Variants in XXYLT1 observed in about 807,000 individuals in gnomAD.
XXYLT1 encodes the protein xyloside xylosyltransferase 1.
Under a neutral mutation model 28.9 loss-of-function variants are expected in XXYLT1, and 20 were observed. The observed-to-expected ratio is 0.69, with a 90% CI of 0.49 to 1.00. The LOEUF (loss-of-function observed/expected upper bound fraction) is 1.00. Ranked by LOEUF, XXYLT1 falls within the 50% of genes least tolerant of loss-of-function variation. XXYLT1 has a pLI of 0.00. For missense variants in XXYLT1, 542 were observed against 560.1 expected, an observed-to-expected ratio of 0.97 and a Z score of 0.33; for synonymous variants, 257 against 253.8, an observed-to-expected ratio of 1.01 and a Z score of -0.12.
At chr3:195,071,527 G>T (rs1299056519) in intron 3 of XXYLT1, among the ~76,000 whole-genome samples, 1 of 152,206 alleles carries the variant, frequency 6.6e-6, no homozygotes, top group South Asian at 2.1e-4. Flanking sequence ...CATTCTTACA[G>T]GGGAATCCAC....
At chr3:195,112,991 A>G (rs1717861032) in intron 3 of XXYLT1, among the ~76,000 whole-genome samples, 1 of 152,270 alleles carries the variant, frequency 6.6e-6, no homozygotes, top group South Asian at 2.1e-4. Context: ...AACTGCAGCC[A>G]TGCCCCTCAC....
chr3:195,268,034 C>A (rs1311794322), intron 1 of XXYLT1, among the ~76,000 whole-genome samples: 1 of 152,176 alleles, frequency 6.6e-6, no homozygotes, highest in East Asian at 1.9e-4. Context: ...TGCCTGTAAT[C>A]CCAGCTATGC....
intron 1 of XXYLT1, among the ~76,000 whole-genome samples, chr3:195,248,966 T>A (rs1365053302): frequency 6.6e-6 from 1 of 152,164 alleles, no homozygotes; most frequent in East Asian, 1.9e-4. Context: ...GTCTCGGGTA[T>A]GTCTTTATCA....
intron 3 of XXYLT1, among the ~76,000 whole-genome samples, chr3:195,116,305 A>G (rs1005194349): frequency 2.0e-5 from 3 of 152,220 alleles, no homozygotes; most frequent in Non-Finnish European, 4.4e-5. Context: ...AATTCTAACC[A>G]GAATGCTTTA....
chr3:195,245,827 C>T (rs71317953), intron 1 of XXYLT1, among the ~76,000 whole-genome samples: 2 of 152,192 alleles, frequency 1.3e-5, no homozygotes, highest in African/African-American at 4.8e-5. Context: ...CGCCTCCACT[C>T]TCTCCTGCCC....
chr3:195,241,161 C>T (rs986161427), intron 1 of XXYLT1, among the ~76,000 whole-genome samples: 1 of 152,180 alleles, frequency 6.6e-6, no homozygotes, highest in South Asian at 2.1e-4. Flanking sequence ...TTGGCACATT[C>T]CCAAGGAGGA....
At chr3:195,260,222 C>T (rs1268690589) in intron 1 of XXYLT1, 1 of 150,470 alleles carries the variant, frequency 6.6e-6, no homozygotes, top group Non-Finnish European at 1.5e-5. Context: ...CAGGCGGCCG[C>T]GCGGGGCACT....
At chr3:195,267,610 C>T (rs571659422) in intron 1 of XXYLT1, among the ~76,000 whole-genome samples, 7 of 152,278 alleles carry the variant, frequency 4.6e-5, no homozygotes, top group African/African-American at 9.6e-5. Context: ...ATTTAAGACA[C>T]GTCAATGTCA....
intron 3 of XXYLT1, among the ~76,000 whole-genome samples, chr3:195,118,383 C>G (rs1392092002): frequency 6.6e-6 from 1 of 152,222 alleles, no homozygotes; most frequent in African/African-American, 2.4e-5. Context: ...CCCGTGGCCA[C>G]CACTAGCGTG....
chr3:195,232,586 TATC>T (rs1339228204), intron 1 of XXYLT1, among the ~76,000 whole-genome samples: 2 of 152,202 alleles, frequency 1.3e-5, no homozygotes, highest in Non-Finnish European at 2.9e-5. Flanking sequence ...GTGTTTCTAT[TATC>T]ATTTGTTTCA....
intron 1 of XXYLT1, among the ~76,000 whole-genome samples, chr3:195,230,933 G>T (rs1404422021): frequency 6.6e-6 from 1 of 152,104 alleles, no homozygotes; most frequent in Non-Finnish European, 1.5e-5. Flanking sequence ...TTGGTATTTT[G>T]ATTGGGATTG....
intron 2 of XXYLT1, among the ~76,000 whole-genome samples, chr3:195,160,837 G>T (rs921604274): frequency 6.6e-6 from 1 of 152,232 alleles, no homozygotes; most frequent in East Asian, 1.9e-4. Flanking sequence ...TCCCCAAGGG[G>T]ATGTGCGGTT....
intron 3 of XXYLT1, among the ~76,000 whole-genome samples, chr3:195,080,111 G>A (rs1415533157): frequency 6.6e-6 from 1 of 152,210 alleles, no homozygotes; most frequent in Non-Finnish European, 1.5e-5. Context: ...AGGGGCGGGA[G>A]GAGAACGTGC....
chr3:195,177,327 G>A (rs1315906927), intron 2 of XXYLT1, among the ~76,000 whole-genome samples: 1 of 152,162 alleles, frequency 6.6e-6, no homozygotes, highest in Non-Finnish European at 1.5e-5. Context: ...ATCTGAAGGA[G>A]GACCTCAATT....
At chr3:195,208,654 A>G (rs1723176738) in intron 2 of XXYLT1, among the ~76,000 whole-genome samples, 1 of 152,244 alleles carries the variant, frequency 6.6e-6, no homozygotes, top group Non-Finnish European at 1.5e-5. Flanking sequence ...AAAGAAGTGT[A>G]GACAGAAACA....
intron 2 of XXYLT1, among the ~76,000 whole-genome samples, chr3:195,213,160 C>A (rs1017996497): frequency 2.6e-5 from 4 of 152,190 alleles, no homozygotes; most frequent in Admixed American, 2.6e-4. Flanking sequence ...TATGAGGTAG[C>A]TTTGGCTGGA....
In XXYLT1 at chr3:195,115,253, G is replaced by A; in HGVS notation, c.785+41196C>T. ...ACGGTCCCAGTCACCTTGAACCCAG[G>A]TCGTGCTGCCGCTTCCTGAGTACCA... On this transcript the variant is annotated intron_variant, in intron 3 of 3. Coordinates refer to ENST00000310380, the MANE Select transcript of XXYLT1 (RefSeq NM_152531.5). The surrounding 1 kb of genome is among the most constrained non-coding windows in gnomAD (Gnocchi z 4.2). 6.6e-6 allele frequency among the ~76,000 whole-genome samples: 1 copy of A among 152,214 alleles called. No homozygotes were observed. The highest frequency in any genetic ancestry group is 1.5e-5 in the Non-Finnish European group (1 of 68,034).
chr3:195,198,819 C>G (rs1016933662), intron 2 of XXYLT1, among the ~76,000 whole-genome samples: 3 of 152,172 alleles, frequency 2.0e-5, no homozygotes, highest in Admixed American at 6.5e-5. Flanking sequence ...CAATGAAAGT[C>G]ACTCTTTCAT....
chr3:195,180,527 GCAAA>G lies in XXYLT1; in HGVS notation c.653-23950_653-23947del. The stretch of plus-strand genomic sequence containing the variant: ...CTGGCTCTGTAGCCCTTGAAAAGAA[GCAAA>G]CAAACAGATAAGGGTCAGCATCTGA... On this transcript the variant is annotated intron_variant, in intron 2 of 3. Coordinates refer to ENST00000310380, the MANE Select transcript of XXYLT1 (RefSeq NM_152531.5). This position sits in a 1 kb window ranked among gnomAD's most constrained non-coding sequence, Gnocchi z 5.8. The G allele has an allele frequency of 3.0e-6, 3 of 985,484 alleles. No individual in the cohort carries two copies. The highest frequency in any genetic ancestry group is 4.7e-5 in the South Asian group (1 of 21,290). The allele number at this position is 985,484 out of a possible 1,614,324, so 61.0% of individuals were successfully genotyped here. A position where few individuals can be genotyped will look rare whatever the true frequency, so the allele number is the denominator to read the frequency against.
Sources: gnomAD v4.1 joint callset for allele counts (sites outside exome capture counted in the v4.1 genomes callset) on GRCh38, gnomAD v4.1.1 for gene constraint, Gnocchi (gnomAD v3.1) non-coding constraint, MANE v1.5 for transcripts, NCBI Gene and HGNC (gene_info 2026-07-23, HGNC 2026-07-21) for gene names.